The following DOCK1 variants were observed in gnomAD, a reference collection of about 807,000 sequenced individuals.
DOCK1 encodes the protein dedicator of cytokinesis 1.
Under a neutral mutation model 262.7 loss-of-function variants are expected in DOCK1, and 138 were observed. The observed-to-expected ratio is 0.53, with a 90% CI of 0.46 to 0.61. The LOEUF is 0.61. DOCK1 is among the 20% of genes least tolerant of loss of function. The pLI is 0.00. For synonymous variants in DOCK1, 866 were observed against 867.4 expected, an observed-to-expected ratio of 1.00 and a Z score of 0.03; for missense variants, 1,908 against 2,370.7, an observed-to-expected ratio of 0.80 and a Z score of 4.05.
chr10:127,093,750 A>G (rs1564798261), intron 23 of DOCK1, among the ~76,000 whole-genome samples: 1 of 151,820 alleles, frequency 6.6e-6, no homozygotes, highest in Non-Finnish European at 1.5e-5. Context: ...TTCTAAGTTC[A>G]TTTGTATTCA....
At chr10:127,418,799 A>T in intron 45 of DOCK1, among the ~76,000 whole-genome samples, 1 of 152,234 alleles carries the variant, frequency 6.6e-6, no homozygotes, top group East Asian at 1.9e-4. Context: ...GGCTGGGCTT[A>T]TCTGCACCCA....
chr10:127,168,626 T>C (rs1778892419), intron 27 of DOCK1, among the ~76,000 whole-genome samples: 1 of 152,216 alleles, frequency 6.6e-6, no homozygotes, highest in South Asian at 2.1e-4. Context: ...TGGAAGACTT[T>C]GATCTCTATT....
chr10:127,259,902 G>A (rs1169313238), intron 29 of DOCK1, among the ~76,000 whole-genome samples: 5 of 151,208 alleles, frequency 3.3e-5, no homozygotes, highest in Non-Finnish European at 7.4e-5. Context: ...CCTGCGCTAC[G>A]TAAGGGTTGC....
At chr10:127,316,180 A>G (rs759998736) in intron 29 of DOCK1, among the ~76,000 whole-genome samples, 11 of 152,178 alleles carry the variant, frequency 7.2e-5, no homozygotes, top group Non-Finnish European at 1.2e-4. Flanking sequence ...AGCACCTAAA[A>G]TTTACTCACG....
chr10:127,211,546 G>A (rs1280815206), intron 27 of DOCK1, among the ~76,000 whole-genome samples: 1 of 152,096 alleles, frequency 6.6e-6, no homozygotes, highest in Non-Finnish European at 1.5e-5. Context: ...CTGTCTGTGT[G>A]CTTTTTATTA....
At chr10:127,408,899 T>C (rs375341436) in intron 40 of DOCK1, 138 bp from the exon 41 acceptor site, 34 of 1,169,762 alleles carry the variant, frequency 2.9e-5, no homozygotes, top group Non-Finnish European at 3.6e-5. Context: ...CAAAAAAAAA[T>C]AAAAATTACA....
chr10:127,348,867 G>T (rs2063758630), intron 31 of DOCK1, among the ~76,000 whole-genome samples: 1 of 152,130 alleles, frequency 6.6e-6, no homozygotes, highest in African/African-American at 2.4e-5. Flanking sequence ...ATCAGAAGCT[G>T]CAATTGTATA....
chr10:127,007,252 G>C (rs929266806), intron 10 of DOCK1, among the ~76,000 whole-genome samples: 1 of 152,142 alleles, frequency 6.6e-6, no homozygotes, highest in Non-Finnish European at 1.5e-5. Flanking sequence ...AGGCCCCTGG[G>C]GCCCCACCAG....
At chr10:127,198,921 C>G (rs936124429) in intron 27 of DOCK1, among the ~76,000 whole-genome samples, 1 of 152,050 alleles carries the variant, frequency 6.6e-6, no homozygotes, top group African/African-American at 2.4e-5. Flanking sequence ...AAGCAAGCAT[C>G]ATGCTGGGGG....
In DOCK1 at chr10:127,127,707, A is replaced by G. The variant is rs1193178625; in HGVS notation, c.2790A>G (p.Lys930=). 6.2e-7 allele frequency: 1 copy of G among 1,612,610 alleles called. No individual in the cohort carries two copies. Among genetic ancestry groups the G allele is most frequent in the African/African-American group, 1.3e-5 (1 of 74,886 alleles). ...GGCACGTCCAGATTATCATGGAGAA[A>G]CTTCTCCGGACCGTGAACCGAACCG... ...TQRHVQIIME[K]LLRTVNRTVI... Residue 930 remains lysine, a synonymous_variant, in exon 27 of 52, where the codon AAA becomes AAG. Transcript: ENST00000623213.
intron 25 of DOCK1, among the ~76,000 whole-genome samples, chr10:127,121,455 A>ATATGTGTG (rs139656728): frequency 3.0e-4 from 44 of 148,366 alleles, no homozygotes; most frequent in African/African-American, 1.1e-3. Context: ...GTATATGTAT[A>ATATGTGTG]TGTGTGTGTG....
intron 1 of DOCK1, among the ~76,000 whole-genome samples, chr10:126,930,272 A>C (rs2134176057): frequency 6.6e-6 from 1 of 152,290 alleles, no homozygotes; most frequent in East Asian, 1.9e-4. Flanking sequence ...ATTCATGTCC[A>C]CATGTGTGTT....
At chr10:127,312,791 C>A (rs946465277) in intron 29 of DOCK1, among the ~76,000 whole-genome samples, 9 of 151,378 alleles carry the variant, frequency 5.9e-5, no homozygotes, top group African/African-American at 2.2e-4. Context: ...GATGGTCTTC[C>A]CCCTCACAGC....
At chr10:127,081,901 G>A (rs2046922719) in intron 23 of DOCK1, among the ~76,000 whole-genome samples, 1 of 152,140 alleles carries the variant, frequency 6.6e-6, no homozygotes, top group East Asian at 1.9e-4. Context: ...TCAAGAGCTG[G>A]AACATTTCGC....
At chr10:127,028,016 G>C (rs1011307621) in intron 16 of DOCK1, among the ~76,000 whole-genome samples, 6 of 150,642 alleles carry the variant, frequency 4.0e-5, no homozygotes, top group Non-Finnish European at 4.4e-5. Flanking sequence ...TGACTGGAGG[G>C]GTTTCAAGCA....
chr10:127,158,771 TGGC>T (rs1251978847), intron 27 of DOCK1, among the ~76,000 whole-genome samples: 2 of 152,236 alleles, frequency 1.3e-5, no homozygotes, highest in Non-Finnish European at 2.9e-5. Context: ...ATGGATTTTG[TGGC>T]ATTCACTATG....
chr10:127,012,078 CTT>C lies in DOCK1; in HGVS notation c.1059-153_1059-152del, dbSNP rs2041497088. ...CTGATCAATGCTTTTCCCTGTTTCT[CTT>C]GTCACCTCTCCCATCCTTTGTCGTG... On this transcript the variant is annotated intron_variant, in intron 11 of 51. Transcript: ENST00000623213. The surrounding 1 kb of genome is among the most constrained non-coding windows in gnomAD (Gnocchi z 4.0). Among the ~76,000 whole-genome samples the C allele has an allele frequency of 6.6e-6, 1 of 152,268 alleles. No homozygotes were observed. The highest frequency in any genetic ancestry group is 2.1e-4 in the South Asian group (1 of 4,814).
In DOCK1 at chr10:127,052,314, C is replaced by T. The variant is rs184736261; in HGVS notation, c.2202-367C>T. On this transcript the variant is annotated intron_variant, in intron 21 of 51. Coordinates refer to ENST00000623213, the MANE Select transcript of DOCK1 (RefSeq NM_001290223.2). ...CCAAGGGGGGTGGATTGCCTGAGCTCAGGAGTTTGAGACCAGCCCGGGCAA... is the reference window on the plus strand; with the variant it reads ...CCAAGGGGGGTGGATTGCCTGAGCTTAGGAGTTTGAGACCAGCCCGGGCAA... Among the ~76,000 whole-genome samples, 392 of 152,292 alleles carry T rather than the reference C, an allele frequency of 2.6e-3. 2 individuals are homozygous for T. The highest frequency in any genetic ancestry group is 8.3e-3 in the African/African-American group (345 of 41,584).
At chr10:126,994,095 C>G (rs866021426) in intron 6 of DOCK1, among the ~76,000 whole-genome samples, 1 of 152,108 alleles carries the variant, frequency 6.6e-6, no homozygotes, top group Admixed American at 6.5e-5. Context: ...ATAATCCTAA[C>G]GGGTAAGAGG....
Sources: allele counts gnomAD v4.1 joint callset (sites outside exome capture counted in the v4.1 genomes callset), GRCh38; gene constraint gnomAD v4.1.1; non-coding constraint Gnocchi (gnomAD v3.1); transcripts MANE v1.5; gene names NCBI Gene and HGNC (gene_info 2026-07-23, HGNC 2026-07-21).